The following FBXO25 variants were observed in gnomAD, a reference collection of about 807,000 sequenced individuals.
FBXO25 encodes the protein F-box protein 25.
In FBXO25, 45 loss-of-function variants were observed where a neutral mutation model predicts 51.9. The ratio of observed to expected loss-of-function variants is 0.87; its 90% CI spans 0.68 to 1.11. The LOEUF is 1.11. Among genes scored for constraint, FBXO25 ranks in the 50% most tolerant of loss-of-function variants. The pLI is 0.00. For synonymous variants in FBXO25, 199 were observed against 151.0 expected, an observed-to-expected ratio of 1.32 and a Z score of -2.33; for missense variants, 507 against 428.5, an observed-to-expected ratio of 1.18 and a Z score of -1.62.
At chr8:451,937 T>G (rs1265029833) in intron 7 of FBXO25, among the ~76,000 whole-genome samples, 1 of 152,222 alleles carries the variant, frequency 6.6e-6, no homozygotes, top group African/African-American at 2.4e-5. Flanking sequence ...ATTTTTTCTT[T>G]ATTCTGGTAA....
intron 2 of FBXO25, among the ~76,000 whole-genome samples, chr8:430,857 G>T (rs1259310041): frequency 1.3e-5 from 2 of 152,128 alleles, no homozygotes; most frequent in Non-Finnish European, 2.9e-5. Context: ...TGTTAACAGT[G>T]TATTTGGTTG....
chr8:453,050 G>A lies in FBXO25; in HGVS notation c.660+1597G>A, dbSNP rs532647716. Among the ~76,000 whole-genome samples the A allele has an allele frequency of 1.2e-4, 19 of 152,308 alleles. No homozygotes were observed. The South Asian group carries it at 3.9e-3, about 32-fold the overall frequency. On this transcript the variant is annotated intron_variant, in intron 7 of 9. Coordinates refer to ENST00000350302, the MANE Select transcript of FBXO25 (RefSeq NM_183420.2). Reference sequence around the variant, plus strand: ...AGACACTCTGCTTTTGGCCCGGGATGGTTCTTACAGCCCTGGTAGGCAGAG... The same window carrying A: ...AGACACTCTGCTTTTGGCCCGGGATAGTTCTTACAGCCCTGGTAGGCAGAG...
chr8:415,046 T>C (rs1796714255), intron 2 of FBXO25, among the ~76,000 whole-genome samples: 1 of 152,208 alleles, frequency 6.6e-6, no homozygotes, highest in Non-Finnish European at 1.5e-5. Flanking sequence ...TAAAATTGAT[T>C]TTAAAAAGAT....
rs946919695 is a variant in FBXO25 at position 477,693 on chromosome 8, G to A, written c.*8889G>A. On this transcript the variant is annotated 3_prime_UTR_variant, in exon 10 of 10. Coordinates refer to ENST00000350302, the MANE Select transcript of FBXO25 (RefSeq NM_183420.2). Reference sequence around the variant, plus strand: ...GGCTCTCTTGCCACTTGGCAGTAGTGGCATGAAGCCGCCACCAGGGGGCCA... The same window carrying A: ...GGCTCTCTTGCCACTTGGCAGTAGTAGCATGAAGCCGCCACCAGGGGGCCA... The A allele has an allele frequency of 1.3e-5, 2 of 149,984 alleles. No homozygotes were observed. Among genetic ancestry groups the A allele is most frequent in the African/African-American group, 5.1e-5 (2 of 39,260 alleles). 9.3% of individuals were successfully genotyped at this position (149,984 alleles called of 1,614,324 possible). A position where few individuals can be genotyped will look rare whatever the true frequency, so the allele number is the denominator to read the frequency against.
chr8:435,844 G>C, intron 5 of FBXO25, 137 bp downstream of exon 5: 1 of 1,293,742 alleles, frequency 7.7e-7, no homozygotes, highest in Non-Finnish European at 1.0e-6. Flanking sequence ...TCAAAAAACA[G>C]AAGGGAACAA....
At chr8:422,186 G>A (rs7016898) in intron 2 of FBXO25, among the ~76,000 whole-genome samples, 44,538 of 152,098 alleles carry the variant, frequency 0.29, 6,999 homozygotes, top group African/African-American at 0.43. Flanking sequence ...AAAGGGAACA[G>A]TACTTTACAG....
intron 2 of FBXO25, among the ~76,000 whole-genome samples, chr8:425,133 GC>G (rs1391644498): frequency 5.6e-5 from 8 of 141,776 alleles, no homozygotes; most frequent in Non-Finnish European, 9.1e-5. Flanking sequence ...AGCGCCCCCC[GC>G]CCCCCACATG....
intron 9 of FBXO25, 88 bp downstream of exon 9, chr8:463,238 A>G (rs960558430): frequency 7.1e-7 from 1 of 1,415,738 alleles, no homozygotes. Context: ...AAGACTAAAA[A>G]GCGGAAAATA....
rs576976817 is a variant in FBXO25, at chr8:476,769, T to G, written c.*7965T>G. 6.6e-6 allele frequency: 1 copy of G among 152,278 alleles called. No homozygotes were observed. Among genetic ancestry groups the G allele is most frequent in the South Asian group, 2.1e-4 (1 of 4,826 alleles). 9.4% of individuals were successfully genotyped at this position (152,278 alleles called of 1,614,324 possible). ...AAACTCTTGGTTTCATTTATTTTTCTCTATTGCTTTTCTGTTCTCTATTTT... is the reference window on the plus strand; with the variant it reads ...AAACTCTTGGTTTCATTTATTTTTCGCTATTGCTTTTCTGTTCTCTATTTT... On this transcript the variant is annotated 3_prime_UTR_variant, in exon 10 of 10. Transcript: ENST00000350302.
At chr8:407,554 G>A (rs1796234282) in intron 1 of FBXO25, 4 of 586,654 alleles carry the variant, frequency 6.8e-6, no homozygotes, top group Non-Finnish European at 8.6e-6. Context: ...ACCCCTTCCC[G>A]CCCCCACCCT....
At chr8:421,454 A>C (rs1314754003) in intron 2 of FBXO25, among the ~76,000 whole-genome samples, 1 of 152,226 alleles carries the variant, frequency 6.6e-6, no homozygotes. Flanking sequence ...ACCTGTGGTT[A>C]GTGCACTTGT....
chr8:463,088 G>C lies in FBXO25; in HGVS notation c.925G>C (p.Ala309Pro). The change falls in exon 9 of 10, where the codon GCG becomes CCG. Residue 309 changes from alanine (A) to proline (P), a missense_variant. Ala to Pro is a conservative substitution (Grantham distance 27, BLOSUM62 -1). Transcript: ENST00000350302. ...CTTTGCACTTCAGAAACATTACCCAGCGAAGGAGCAGTACGGAGACACACT... is the reference window on the plus strand; with the variant it reads ...CTTTGCACTTCAGAAACATTACCCACCGAAGGAGCAGTACGGAGACACACT... ...MYFALQKHYP[A>P]KEQYGDTLHF... 1 of 1,614,048 alleles carries C rather than the reference G, an allele frequency of 6.2e-7. No homozygotes were observed. Among genetic ancestry groups the C allele is most frequent in the African/African-American group, 1.3e-5 (1 of 75,040 alleles).
chr8:466,386 C>T (rs1425645676), intron 9 of FBXO25, among the ~76,000 whole-genome samples: 3 of 152,208 alleles, frequency 2.0e-5, no homozygotes, highest in Non-Finnish European at 4.4e-5. Flanking sequence ...CACAGAGGAG[C>T]TGTGGATGTT....
rs556199675 is a variant in FBXO25 at position 455,788 on chromosome 8, G to A, written c.661-2581G>A. On this transcript the variant is annotated intron_variant, in intron 7 of 9. Coordinates refer to ENST00000350302, the MANE Select transcript of FBXO25 (RefSeq NM_183420.2). Reference sequence around the variant, plus strand: ...GCAGAGAGCATGTAGCTAATCAGTGGAGGAAGTGCAGCAAAAAACGCAGCA... The same window carrying A: ...GCAGAGAGCATGTAGCTAATCAGTGAAGGAAGTGCAGCAAAAAACGCAGCA... 2.0e-5 allele frequency among the ~76,000 whole-genome samples: 3 copies of A among 152,326 alleles called. 1 individual carries two copies. In the South Asian group the frequency reaches 6.2e-4, roughly 32 times the overall value.
rs776392725 is a variant in FBXO25, at chr8:426,716, A to AG, written c.135-4624dup. 7.9e-5 allele frequency among the ~76,000 whole-genome samples: 12 copies of AG among 151,200 alleles called. No homozygotes were observed. In the East Asian group the frequency reaches 2.4e-3, roughly 30 times the overall value. On this transcript the variant is annotated intron_variant, in intron 2 of 9. Coordinates refer to ENST00000350302, the MANE Select transcript of FBXO25 (RefSeq NM_183420.2). ...AGGTTGCTGCATCTGAAGCTCTTTA[A>AG]GACGGCGTTTCCCTTCTGCCAGATT...
At chr8:417,963 C>A (rs948579828) in intron 2 of FBXO25, among the ~76,000 whole-genome samples, 1 of 152,140 alleles carries the variant, frequency 6.6e-6, no homozygotes, top group African/African-American at 2.4e-5. Flanking sequence ...TCTAGTATTG[C>A]CACATTACCT....
chr8:426,408 C>G (rs1481855540), intron 2 of FBXO25, among the ~76,000 whole-genome samples: 1 of 152,040 alleles, frequency 6.6e-6, no homozygotes, highest in Non-Finnish European at 1.5e-5. Flanking sequence ...AAGCCACTCA[C>G]GAGTCCAGTT....
At chr8:419,583 A>G (rs1287158551) in intron 2 of FBXO25, among the ~76,000 whole-genome samples, 1 of 152,184 alleles carries the variant, frequency 6.6e-6, no homozygotes, top group Non-Finnish European at 1.5e-5. Flanking sequence ...CTTGTCAGCA[A>G]ATGGGCTAGA....
chr8:437,761 A>G (rs1453579438), intron 5 of FBXO25, among the ~76,000 whole-genome samples: 1 of 144,242 alleles, frequency 6.9e-6, no homozygotes, highest in African/African-American at 2.6e-5. Flanking sequence ...TTTTTACTTT[A>G]TCGTATGCAT....
Sources: allele counts gnomAD v4.1 joint callset (sites outside exome capture counted in the v4.1 genomes callset), GRCh38; gene constraint gnomAD v4.1.1; transcripts MANE v1.5; gene names NCBI Gene and HGNC (gene_info 2026-07-23, HGNC 2026-07-21).